VKORC1L1: variants seen among roughly 807,000 people sequenced by gnomAD.
The protein encoded by VKORC1L1 is vitamin K epoxide reductase complex subunit 1L1, also known as vitamin K epoxide reductase complex subunit 1-like protein 1.
Under a neutral mutation model 18.9 loss-of-function variants are expected in VKORC1L1, and 2 were observed. The observed-to-expected ratio is 0.11, with a 90% CI of 0.04 to 0.33. The LOEUF is 0.33. Among genes scored for constraint, VKORC1L1 ranks in the 10% least tolerant of loss-of-function variants. The probability of loss-of-function intolerance (pLI) is 1.00; values close to 1 mark genes in which losing one functional copy is unlikely to be tolerated. For missense variants in VKORC1L1, 123 were observed against 224.1 expected (o/e 0.55, Z 2.88); for synonymous variants, 96 against 100.0 (o/e 0.96, Z 0.24).
intron 1 of VKORC1L1, among the ~76,000 whole-genome samples, chr7:65,898,623 G>C (rs1789258368): frequency 6.6e-6 from 1 of 152,126 alleles, no homozygotes; most frequent in Non-Finnish European, 1.5e-5. Context: ...GAACCGAGTG[G>C]CCAGAAGGCA....
intron 1 of VKORC1L1, among the ~76,000 whole-genome samples, chr7:65,927,044 T>TG (rs1483643196): frequency 6.6e-6 from 1 of 152,000 alleles, no homozygotes; most frequent in African/African-American, 2.4e-5. Flanking sequence ...CCTTGCACCT[T>TG]GGGGGGCTGA....
chr7:65,948,126 G>T (rs1790152914), intron 1 of VKORC1L1, among the ~76,000 whole-genome samples: 1 of 152,214 alleles, frequency 6.6e-6, no homozygotes, highest in Admixed American at 6.5e-5. Context: ...ACTGGGGGCA[G>T]TCGTGTCCCA....
intron 1 of VKORC1L1, among the ~76,000 whole-genome samples, chr7:65,931,703 G>A (rs538065203): frequency 9.2e-5 from 14 of 152,180 alleles, no homozygotes; most frequent in African/African-American, 2.9e-4. Flanking sequence ...GTGCCGTGGG[G>A]TGATCTCGGC....
At chr7:65,939,746 G>C (rs1790003917) in intron 1 of VKORC1L1, among the ~76,000 whole-genome samples, 1 of 152,204 alleles carries the variant, frequency 6.6e-6, no homozygotes, top group East Asian at 1.9e-4. Flanking sequence ...GGTTACAACA[G>C]ATTTGCGAAC....
chr7:65,902,013 A>T (rs1444662107), intron 1 of VKORC1L1, among the ~76,000 whole-genome samples: 4 of 152,220 alleles, frequency 2.6e-5, no homozygotes, highest in African/African-American at 9.6e-5. Context: ...GTCTTGGAAG[A>T]TACAGCCGAT....
intron 1 of VKORC1L1, among the ~76,000 whole-genome samples, chr7:65,939,436 A>G (rs1789999103): frequency 1.3e-5 from 2 of 152,188 alleles, no homozygotes; most frequent in Admixed American, 6.5e-5. Flanking sequence ...GGGGATGGCT[A>G]TCATGGATTT....
intron 1 of VKORC1L1, among the ~76,000 whole-genome samples, chr7:65,889,475 A>G (rs558122911): frequency 9.3e-4 from 141 of 152,318 alleles, no homozygotes; most frequent in Admixed American, 2.7e-3. Flanking sequence ...CTCCCCCACC[A>G]AATTCAATCA....
chr7:65,933,099 A>T (rs1789885572), intron 1 of VKORC1L1, among the ~76,000 whole-genome samples: 1 of 151,026 alleles, frequency 6.6e-6, no homozygotes, highest in African/African-American at 2.4e-5. Flanking sequence ...AAAAAAAAAA[A>T]AGTGTGTCGG....
chr7:65,887,422 TTA>T (rs1789034417), intron 1 of VKORC1L1, among the ~76,000 whole-genome samples: 1 of 151,952 alleles, frequency 6.6e-6, no homozygotes, highest in Non-Finnish European at 1.5e-5. Flanking sequence ...TATGTATACT[TTA>T]TGACACACTG....
intron 1 of VKORC1L1, among the ~76,000 whole-genome samples, chr7:65,944,178 G>T (rs573447535): frequency 7.9e-5 from 12 of 152,096 alleles, no homozygotes; most frequent in African/African-American, 2.9e-4. Context: ...ACCAGCCTGG[G>T]CAACATGATG....
At chr7:65,889,613 G>A (rs1246891320) in intron 1 of VKORC1L1, among the ~76,000 whole-genome samples, 4 of 152,072 alleles carry the variant, frequency 2.6e-5, no homozygotes, top group African/African-American at 4.8e-5. Flanking sequence ...CCAACATTCC[G>A]GTCATTAAAT....
At chr7:65,924,012 C>A (rs1029080243) in intron 1 of VKORC1L1, among the ~76,000 whole-genome samples, 1 of 152,162 alleles carries the variant, frequency 6.6e-6, no homozygotes, top group African/African-American at 2.4e-5. Flanking sequence ...AGTTGGATTT[C>A]TACTCTGATT....
chr7:65,928,929 C>T (rs1420620103), intron 1 of VKORC1L1, among the ~76,000 whole-genome samples: 1 of 152,150 alleles, frequency 6.6e-6, no homozygotes, highest in African/African-American at 2.4e-5. Flanking sequence ...ATTTGCTCTT[C>T]TGGTAGGTGT....
At chr7:65,943,744 G>A (rs1166363686) in intron 1 of VKORC1L1, among the ~76,000 whole-genome samples, 3 of 152,010 alleles carry the variant, frequency 2.0e-5, no homozygotes, top group Admixed American at 6.6e-5. Flanking sequence ...GCAGTGAGTC[G>A]AGATTGTGCC....
chr7:65,873,637 G>T (rs1439161842), intron 1 of VKORC1L1, 72 bp downstream of exon 1: 7 of 1,367,270 alleles, frequency 5.1e-6, no homozygotes, highest in African/African-American at 4.6e-5. Context: ...TGGGGAGCGC[G>T]CGGCGGGAGC....
chr7:65,936,022 T>C (rs983622966), intron 1 of VKORC1L1, among the ~76,000 whole-genome samples: 8 of 152,148 alleles, frequency 5.3e-5, no homozygotes, highest in Non-Finnish European at 1.5e-5. Flanking sequence ...ATTGGATAAT[T>C]TCTGTTAATC....
intron 1 of VKORC1L1, among the ~76,000 whole-genome samples, chr7:65,905,353 C>T (rs1027521639): frequency 1.3e-5 from 2 of 151,806 alleles, no homozygotes; most frequent in South Asian, 2.1e-4. Context: ...CTCTGTCATC[C>T]AGGCTGGAGT....
At chr7:65,942,683 A>G (rs1222044657) in intron 1 of VKORC1L1, among the ~76,000 whole-genome samples, 6 of 151,820 alleles carry the variant, frequency 4.0e-5, no homozygotes, top group Admixed American at 1.3e-4. Flanking sequence ...CCGCCAGCAC[A>G]TCTGCATAAT....
rs1789468369 is a variant in VKORC1L1 at position 65,909,690 on chromosome 7, T to TGTGTGTGTGTGTGTGTGTG, written c.194+36125_194+36126insGTGTGTGTGTGTGTGTGTG. 4.8e-4 allele frequency among the ~76,000 whole-genome samples: 59 copies of TGTGTGTGTGTGTGTGTGTG among 123,838 alleles called. 3 individuals are homozygous for TGTGTGTGTGTGTGTGTGTG. Among genetic ancestry groups the TGTGTGTGTGTGTGTGTGTG allele is most frequent in the Middle Eastern group, 3.9e-3 (1 of 256 alleles). The allele number at this position is 123,838 out of a possible 152,430, so 81.2% of individuals were successfully genotyped here. A position where few individuals can be genotyped will look rare whatever the true frequency, so the allele number is the denominator to read the frequency against. ...AAGCTTCTAACTTTTGTTTTAGCCT[T>TGTGTGTGTGTGTGTGTGTG]TGTGTGTGTGTGTGTGTGTGTGTGT... On this transcript the variant is annotated intron_variant, in intron 1 of 2. Coordinates refer to ENST00000360768, the MANE Select transcript of VKORC1L1 (RefSeq NM_173517.6).
Sources: gnomAD v4.1 joint callset for allele counts (sites outside exome capture counted in the v4.1 genomes callset) on GRCh38, gnomAD v4.1.1 for gene constraint, MANE v1.5 for transcripts, NCBI Gene and HGNC (gene_info 2026-07-23, HGNC 2026-07-21) for gene names.